The following CCDC148 variants were observed in gnomAD, a reference collection of about 807,000 sequenced individuals.
The protein encoded by CCDC148 is coiled-coil domain-containing protein 148.
CCDC148 carries 89 observed loss-of-function variants against 85.7 expected under a neutral mutation model. The ratio of observed to expected loss-of-function variants is 1.04; its 90% CI spans 0.87 to 1.24. The LOEUF (loss-of-function observed/expected upper bound fraction) is 1.24, where lower values mean the gene tolerates loss of function less well. Ranked by LOEUF, CCDC148 falls within the 50% of genes most tolerant of loss-of-function variation. The pLI is 0.00. For missense variants in CCDC148, 692 were observed against 671.7 expected, an observed-to-expected ratio of 1.03 and a Z score of -0.33; for synonymous variants, 230 against 213.9, an observed-to-expected ratio of 1.08 and a Z score of -0.66.
intron 1 of CCDC148, chr2:158,393,311 C>T (rs941309237): frequency 6.6e-6 from 1 of 152,068 alleles, no homozygotes; most frequent in Non-Finnish European, 1.5e-5. Flanking sequence ...GAACTCTGGT[C>T]TGTGGAGTGA....
In CCDC148 at chr2:158,320,789, T is replaced by A. The variant is rs550795653; in HGVS notation, c.765-6895A>T. On this transcript the variant is annotated intron_variant, in intron 7 of 13. Transcript: ENST00000283233. ...ATAAATGATTTTCACCTCTTCATCA[T>A]ATAAAACCCAGATTTTTCAGTTTCC... Among the ~76,000 whole-genome samples the A allele has an allele frequency of 7.2e-5, 11 of 152,276 alleles. No homozygotes were observed. In the East Asian group the frequency reaches 2.1e-3, roughly 29 times the overall value.
At chr2:158,241,871 A>G (rs1688365545) in intron 10 of CCDC148, among the ~76,000 whole-genome samples, 2 of 152,200 alleles carry the variant, frequency 1.3e-5, no homozygotes, top group Admixed American at 1.3e-4. Flanking sequence ...AGACTTATGT[A>G]TATAGTTTAC....
rs13393602 is a variant in CCDC148 at position 158,350,170 on chromosome 2, G to A, written c.148-4852C>T. Among the ~76,000 whole-genome samples the A allele has an allele frequency of 8.0e-3, 1,223 of 152,250 alleles. 15 individuals are homozygous for A. The highest frequency in any genetic ancestry group is 0.028 in the African/African-American group (1,149 of 41,556). On this transcript the variant is annotated intron_variant, in intron 2 of 13. Coordinates refer to ENST00000283233, the MANE Select transcript of CCDC148 (RefSeq NM_138803.4). Reference sequence around the variant, plus strand: ...CACAGTAGCCATCTAGCAGCTAACAGTGCTGAGAAATTATTGTTCCTGCAC... The same window carrying A: ...CACAGTAGCCATCTAGCAGCTAACAATGCTGAGAAATTATTGTTCCTGCAC...
intron 9 of CCDC148, among the ~76,000 whole-genome samples, chr2:158,294,982 G>A (rs1344505795): frequency 1.3e-5 from 2 of 152,028 alleles, no homozygotes; most frequent in East Asian, 1.9e-4. Flanking sequence ...ATAGCCCCCT[G>A]TGGTTTTAAC....
intron 1 of CCDC148, among the ~76,000 whole-genome samples, chr2:158,376,737 T>G (rs1684667072): frequency 6.6e-6 from 1 of 151,904 alleles, no homozygotes. Flanking sequence ...GAAAAAAAAT[T>G]TCCTTATTTT....
intron 1 of CCDC148, among the ~76,000 whole-genome samples, chr2:158,444,788 A>G (rs1688091596): frequency 7.9e-6 from 1 of 127,292 alleles, no homozygotes; most frequent in African/African-American, 2.7e-5. Flanking sequence ...CTGTCTTGAA[A>G]AAAAAAAAAA....
intron 10 of CCDC148, among the ~76,000 whole-genome samples, chr2:158,238,014 G>A (rs1338902842): frequency 1.3e-5 from 2 of 152,094 alleles, no homozygotes; most frequent in African/African-American, 2.4e-5. Flanking sequence ...ACGGAGGTAA[G>A]CAATGATGTT....
intron 9 of CCDC148, among the ~76,000 whole-genome samples, chr2:158,307,584 C>T (rs62184078): frequency 0.059 from 8,956 of 152,242 alleles, 363 homozygotes; most frequent in Non-Finnish European, 0.082. Flanking sequence ...ATGTATATGT[C>T]CAACAAAAGA....
intron 11 of CCDC148, among the ~76,000 whole-genome samples, chr2:158,216,968 G>A (rs1686895060): frequency 6.6e-6 from 1 of 152,018 alleles, no homozygotes; most frequent in Admixed American, 6.6e-5. Context: ...GAAGCACAGG[G>A]AAGTTAAATA....
chr2:158,364,052 C>T (rs1440543473), intron 1 of CCDC148, among the ~76,000 whole-genome samples: 2 of 152,140 alleles, frequency 1.3e-5, no homozygotes, highest in East Asian at 1.9e-4. Flanking sequence ...AGTGAACTCC[C>T]ATTCATAATT....
At chr2:158,197,605 T>G (rs1193700180) in intron 11 of CCDC148, among the ~76,000 whole-genome samples, 1 of 152,144 alleles carries the variant, frequency 6.6e-6, no homozygotes, top group Admixed American at 6.6e-5. Context: ...CTGGAGAGCA[T>G]AAGAGAGCCT....
chr2:158,406,623 T>TCTGTTTTTTTTTTTGTTTTTTG (rs372903099), intron 1 of CCDC148, among the ~76,000 whole-genome samples: 1 of 102,860 alleles, frequency 9.7e-6, no homozygotes, highest in Admixed American at 9.9e-5. Context: ...CTTTTTTTTT[T>TCTGTTTTTTTTTTTGTTTTTTG]TTTTTTTTTT....
At chr2:158,383,996 T>G (rs1047497041) in intron 1 of CCDC148, among the ~76,000 whole-genome samples, 1 of 152,218 alleles carries the variant, frequency 6.6e-6, no homozygotes, top group African/African-American at 2.4e-5. Context: ...TTTTGAAGAT[T>G]ACATGCCAGT....
intron 10 of CCDC148, among the ~76,000 whole-genome samples, chr2:158,227,893 A>G (rs1487812915): frequency 1.3e-5 from 2 of 152,212 alleles, no homozygotes; most frequent in African/African-American, 4.8e-5. Context: ...GGACATAGGC[A>G]TGGGCAAGGA....
chr2:158,281,874 C>A (rs924631671), intron 9 of CCDC148, among the ~76,000 whole-genome samples: 6 of 152,008 alleles, frequency 3.9e-5, no homozygotes, highest in Non-Finnish European at 7.4e-5. Context: ...TGCAAAAATC[C>A]TCAATAAAAT....
intron 10 of CCDC148, among the ~76,000 whole-genome samples, chr2:158,237,843 GGT>G (rs1195855722): frequency 5.3e-5 from 8 of 152,122 alleles, no homozygotes. Context: ...AAGATGGAAC[GGT>G]GAGGAGTTTA....
chr2:158,209,105 TATAA>T (rs1448821898), intron 11 of CCDC148, among the ~76,000 whole-genome samples: 2 of 151,658 alleles, frequency 1.3e-5, no homozygotes, highest in Non-Finnish European at 2.9e-5. Context: ...TATGTATATA[TATAA>T]ATAAACATAA....
chr2:158,435,140 C>A (rs981347768), intron 1 of CCDC148, among the ~76,000 whole-genome samples: 1 of 152,114 alleles, frequency 6.6e-6, no homozygotes, highest in African/African-American at 2.4e-5. Context: ...CACAAAGATA[C>A]TCCTCGAGAA....
rs1247745980 is a variant in CCDC148 at position 158,358,571 on chromosome 2, C to T, written c.26-1G>A. 1.3e-6 allele frequency: 2 copies of T among 1,541,894 alleles called. No individual in the cohort carries two copies. The highest frequency in any genetic ancestry group is 2.8e-5 in the African/African-American group (2 of 71,308). ...TTTTTCATATGGAATACCAGATTAT[C>T]TATTAGTCATAAAAATAGAAAAATG... is the stretch of plus-strand genomic sequence containing the variant. On this transcript the variant is annotated splice_acceptor_variant, in intron 1 of 13. Transcript: ENST00000283233. LOFTEE classifies it high-confidence loss of function.
Sources: allele counts gnomAD v4.1 joint callset (sites outside exome capture counted in the v4.1 genomes callset), GRCh38; gene constraint gnomAD v4.1.1; transcripts MANE v1.5; gene names NCBI Gene and HGNC (gene_info 2026-07-23, HGNC 2026-07-21).